Variants in INO80 observed in about 807,000 individuals in gnomAD.
INO80 encodes INO80 complex ATPase subunit, also known as chromatin-remodeling ATPase INO80.
In INO80, 20 loss-of-function variants were observed where a neutral mutation model predicts 203.4. The ratio of observed to expected loss-of-function variants is 0.10; its 90% CI spans 0.07 to 0.14. The LOEUF is 0.14. Ranked by LOEUF, INO80 falls within the 10% of genes least tolerant of loss-of-function variation. The probability of loss-of-function intolerance (pLI) is 1.00; values close to 1 mark genes in which losing one functional copy is unlikely to be tolerated. For synonymous variants in INO80, 726 were observed against 685.2 expected (o/e 1.06, Z -0.93); for missense variants, 1,419 against 1,914.4 (o/e 0.74, Z 4.83).
At chr15:41,073,362 C>T (rs2045354338) in intron 11 of INO80, 66 bp downstream of exon 11, 2 of 1,312,478 alleles carry the variant, frequency 1.5e-6, no homozygotes, top group Non-Finnish European at 2.2e-6. Flanking sequence ...GGAAGACCAC[C>T]TAAGTAAAGG....
At chr15:40,990,203 A>AC (rs1291559637) in intron 29 of INO80, among the ~76,000 whole-genome samples, 1 of 152,110 alleles carries the variant, frequency 6.6e-6, no homozygotes, top group Non-Finnish European at 1.5e-5. Flanking sequence ...GTGGGGAGTG[A>AC]CCTAACAGTC....
chr15:41,088,114 CA>C (rs1157648680), intron 5 of INO80, among the ~76,000 whole-genome samples: 2 of 111,774 alleles, frequency 1.8e-5, no homozygotes, highest in Non-Finnish European at 3.4e-5. Flanking sequence ...TTTTTTGAGA[CA>C]GAGTCTTGCT....
intron 29 of INO80, among the ~76,000 whole-genome samples, chr15:40,990,546 T>C (rs182734645): frequency 1.3e-5 from 2 of 152,296 alleles, no homozygotes; most frequent in East Asian, 3.9e-4. Flanking sequence ...CCCTCCATTT[T>C]TAGCACAGGT....
At chr15:41,057,539 G>A (rs1218543399) in intron 16 of INO80, among the ~76,000 whole-genome samples, 1 of 151,742 alleles carries the variant, frequency 6.6e-6, no homozygotes, top group African/African-American at 2.4e-5. Context: ...GCTCACGCCT[G>A]TAATCCCAGC....
chr15:41,116,174 A>C lies in INO80; in HGVS notation c.-245T>G, dbSNP rs2046033952. The C allele has an allele frequency of 2.5e-6, 1 of 407,732 alleles. No homozygotes were observed. Among genetic ancestry groups the C allele is most frequent in the Middle Eastern group, 6.2e-4 (1 of 1,622 alleles). 25.3% of individuals were successfully genotyped at this position (407,732 alleles called of 1,614,324 possible). A position where few individuals can be genotyped will look rare whatever the true frequency, so the allele number is the denominator to read the frequency against. On this transcript the variant is annotated 5_prime_UTR_variant, in exon 1 of 36. Transcript: ENST00000648947. ...GGACCCCAAGATGGCGGCGGCGCTG[A>C]GGCGGCTGCGGGCGCTGGGCCGGCG... is the stretch of plus-strand genomic sequence containing the variant.
chr15:41,046,252 T>C (rs2044765009), intron 23 of INO80, among the ~76,000 whole-genome samples: 1 of 98,510 alleles, frequency 1.0e-5, no homozygotes, highest in Non-Finnish European at 2.1e-5. Context: ...TATATATATA[T>C]ATATTCTTGT....
chr15:41,033,902 A>G (rs1348191052), intron 24 of INO80, among the ~76,000 whole-genome samples: 1 of 151,848 alleles, frequency 6.6e-6, no homozygotes, highest in African/African-American at 2.4e-5. Context: ...AAAAAAAAAA[A>G]TACAAAAAAA....
chr15:41,090,687 G>T (rs2045624561), intron 5 of INO80, among the ~76,000 whole-genome samples: 1 of 152,070 alleles, frequency 6.6e-6, no homozygotes, highest in Middle Eastern at 3.2e-3. Context: ...TGATGCAAAT[G>T]TTCTGGAATT....
intron 4 of INO80, among the ~76,000 whole-genome samples, chr15:41,095,005 C>T (rs2045700232): frequency 6.7e-6 from 1 of 149,064 alleles, no homozygotes; most frequent in Admixed American, 6.8e-5. Flanking sequence ...GTCCCATCTC[C>T]AAGATATCTC....
intron 5 of INO80, among the ~76,000 whole-genome samples, chr15:41,091,018 G>A (rs1047817670): frequency 1.1e-4 from 16 of 149,354 alleles, no homozygotes; most frequent in African/African-American, 3.7e-4. Flanking sequence ...TCCACCTCCC[G>A]GGTTCAAGCG....
intron 1 of INO80, among the ~76,000 whole-genome samples, chr15:41,109,573 G>T (rs1303049292): frequency 6.6e-6 from 1 of 151,856 alleles, no homozygotes; most frequent in Non-Finnish European, 1.5e-5. Flanking sequence ...GAGGCGGGTG[G>T]ATCACCTGAG....
At chr15:41,109,391 C>T (rs377685246) in intron 1 of INO80, among the ~76,000 whole-genome samples, 8 of 152,050 alleles carry the variant, frequency 5.3e-5, no homozygotes, top group African/African-American at 1.9e-4. Flanking sequence ...GCGGAGGTTG[C>T]ACTGAGCTGA....
chr15:40,985,464 G>A lies in INO80; in HGVS notation c.3833-38C>T, dbSNP rs780745752. 22 of 1,396,166 alleles carry A rather than the reference G, an allele frequency of 1.6e-5. No individual in the cohort carries two copies. In the East Asian group the frequency reaches 5.0e-4, roughly 32 times the overall value. 86.5% of individuals were successfully genotyped at this position (1,396,166 alleles called of 1,614,324 possible). The stretch of plus-strand genomic sequence containing the variant: ...TGAATTAAGACCTGATGAAGTACCT[G>A]TGGTAATCATAATCCTCACTCTCTT... On this transcript the variant is annotated intron_variant, in intron 31 of 35. Transcript: ENST00000648947.
At chr15:41,051,723 G>A (rs1293873407) in intron 19 of INO80, among the ~76,000 whole-genome samples, 1 of 152,140 alleles carries the variant, frequency 6.6e-6, no homozygotes, top group Admixed American at 6.5e-5. Flanking sequence ...GGGAGGCCGA[G>A]GTGGGTGGAT....
At chr15:41,079,058 G>C (rs955142257) in intron 9 of INO80, among the ~76,000 whole-genome samples, 1 of 152,144 alleles carries the variant, frequency 6.6e-6, no homozygotes, top group Non-Finnish European at 1.5e-5. Flanking sequence ...AGAATTGCTT[G>C]AATGTGGGAG....
intron 26 of INO80, chr15:41,019,551 G>A (rs1403644380): frequency 6.6e-6 from 1 of 152,176 alleles, no homozygotes; most frequent in Non-Finnish European, 1.5e-5. Flanking sequence ...ACCAAGAAGG[G>A]AGAAAAAAGA....
At chr15:41,095,993 C>G (rs898506471) in intron 2 of INO80, 65 bp from the exon 3 acceptor site, 10 of 1,496,648 alleles carry the variant, frequency 6.7e-6, no homozygotes, top group Admixed American at 4.0e-5. Context: ...AAAGTTAGAA[C>G]TGGACACTTT....
intron 20 of INO80, 108 bp downstream of exon 20, chr15:41,049,827 A>C: frequency 1.0e-6 from 1 of 977,196 alleles, no homozygotes; most frequent in Middle Eastern, 2.2e-4. Flanking sequence ...CAGAGGTTGC[A>C]GTGAGCCGAA....
At chr15:41,089,977 G>A (rs2045611404) in intron 5 of INO80, among the ~76,000 whole-genome samples, 1 of 152,164 alleles carries the variant, frequency 6.6e-6, no homozygotes, top group Admixed American at 6.5e-5. Flanking sequence ...TCACTGTTAA[G>A]TATATAATGA....
Sources: gnomAD v4.1 joint callset for allele counts (sites outside exome capture counted in the v4.1 genomes callset) on GRCh38, gnomAD v4.1.1 for gene constraint, MANE v1.5 for transcripts, NCBI Gene and HGNC (gene_info 2026-07-23, HGNC 2026-07-21) for gene names.